GLRB: variants seen among roughly 807,000 people sequenced by gnomAD.
GLRB encodes the protein glycine receptor beta.
In GLRB, 33 loss-of-function variants were observed where a neutral mutation model predicts 54.2. That is an observed-to-expected ratio of 0.61 (90% confidence interval 0.46 to 0.81). The LOEUF (loss-of-function observed/expected upper bound fraction) is 0.81. Ranked by LOEUF, GLRB falls within the 40% of genes least tolerant of loss-of-function variation. The pLI is 0.00. For missense variants in GLRB, 572 were observed against 584.6 expected (o/e 0.98, Z 0.22); for synonymous variants, 209 against 208.2 (o/e 1.00, Z -0.03).
intron 4 of GLRB, 173 bp from the exon 5 acceptor site, chr4:157,136,296 T>C (rs1356980117): frequency 1.6e-6 from 1 of 610,426 alleles, no homozygotes; most frequent in Non-Finnish European, 2.9e-6. Flanking sequence ...AGTGTCTTTA[T>C]ACTGCTAATG....
At chr4:157,159,745 T>C (rs1447681170) in intron 9 of GLRB, among the ~76,000 whole-genome samples, 3 of 152,232 alleles carry the variant, frequency 2.0e-5, no homozygotes, top group Non-Finnish European at 2.9e-5. Context: ...CAGTATTTTA[T>C]TGAGGATTTT....
At chr4:157,078,448 T>C (rs1045731261) in intron 2 of GLRB, among the ~76,000 whole-genome samples, 6 of 152,056 alleles carry the variant, frequency 3.9e-5, no homozygotes, top group Non-Finnish European at 8.8e-5. Flanking sequence ...AAATGTGCTG[T>C]GCAACTTTAA....
At chr4:157,114,934 T>A (rs1015035185) in intron 2 of GLRB, among the ~76,000 whole-genome samples, 1 of 151,698 alleles carries the variant, frequency 6.6e-6, no homozygotes, top group East Asian at 2.0e-4. Flanking sequence ...AGTTACTCTT[T>A]CCGCACCCCC....
intron 8 of GLRB, among the ~76,000 whole-genome samples, chr4:157,145,410 C>T (rs1004643385): frequency 6.6e-6 from 1 of 152,142 alleles, no homozygotes; most frequent in Admixed American, 6.5e-5. Flanking sequence ...ACCCAAGAAG[C>T]TCCAGGGAGT....
chr4:157,105,559 G>A (rs973980291), intron 2 of GLRB, among the ~76,000 whole-genome samples: 3 of 151,836 alleles, frequency 2.0e-5, no homozygotes, highest in Non-Finnish European at 4.4e-5. Context: ...AAAGTTCACT[G>A]TTTCTTTGTT....
intron 2 of GLRB, among the ~76,000 whole-genome samples, chr4:157,115,715 C>T (rs1227467527): frequency 2.6e-5 from 4 of 151,686 alleles, no homozygotes; most frequent in African/African-American, 9.7e-5. Flanking sequence ...ATCAGATTTT[C>T]AGAGACATCT....
intron 2 of GLRB, among the ~76,000 whole-genome samples, chr4:157,093,144 A>T (rs78919134): frequency 6.7e-6 from 1 of 149,454 alleles, no homozygotes; most frequent in African/African-American, 2.5e-5. Flanking sequence ...GGTCTTTTAC[A>T]TACATTTAAA....
At chr4:157,113,826 A>G (rs746098156) in intron 2 of GLRB, among the ~76,000 whole-genome samples, 14 of 151,928 alleles carry the variant, frequency 9.2e-5, no homozygotes, top group Non-Finnish European at 1.9e-4. Context: ...CATTCTTTTC[A>G]AATAAGTTTA....
chr4:157,085,345 A>G (rs1734369679), intron 2 of GLRB, among the ~76,000 whole-genome samples: 2 of 152,116 alleles, frequency 1.3e-5, no homozygotes, highest in African/African-American at 2.4e-5. Context: ...GCCTCCAGCA[A>G]TCCTCCTGCC....
At chr4:157,100,036 A>G (rs1338902499) in intron 2 of GLRB, among the ~76,000 whole-genome samples, 2 of 152,224 alleles carry the variant, frequency 1.3e-5, no homozygotes, top group Non-Finnish European at 2.9e-5. Flanking sequence ...ATTCTAGAAC[A>G]AATCATTTGT....
chr4:157,150,477 C>T (rs779481691), intron 8 of GLRB, among the ~76,000 whole-genome samples: 1 of 151,932 alleles, frequency 6.6e-6, no homozygotes, highest in South Asian at 2.1e-4. Context: ...AAAGACAATC[C>T]TTTCATCTGT....
chr4:157,125,253 C>T (rs952137583), intron 4 of GLRB, among the ~76,000 whole-genome samples: 6 of 151,630 alleles, frequency 4.0e-5, no homozygotes, highest in African/African-American at 1.5e-4. Flanking sequence ...AAAAAAGTTC[C>T]CCAAAACAAG....
Position 157,143,931 on chromosome 4 carries a change from G to A in GLRB, c.876G>A (p.Pro292=), listed in dbSNP as rs775656621. 25 of 1,614,008 alleles carry A rather than the reference G, an allele frequency of 1.5e-5. No homozygotes were observed. The highest frequency in any genetic ancestry group is 6.7e-5 in the Admixed American group (4 of 60,016). Residue 292 remains proline (P), a synonymous_variant, in exon 8 of 10, where the codon CCG becomes CCA. Transcript: ENST00000264428. ...VLSWLSFWIN[P]DASAARVPLG... ...CCTGGCTTTCCTTCTGGATCAACCC[G>A]GACGCGAGTGCTGCCAGAGTGCCCC...
At chr4:157,127,253 A>T (rs1484458395) in intron 4 of GLRB, among the ~76,000 whole-genome samples, 1 of 151,838 alleles carries the variant, frequency 6.6e-6, no homozygotes, top group Non-Finnish European at 1.5e-5. Context: ...ACTATAGAAT[A>T]ATAGAATTTA....
chr4:157,162,477 A>C (rs902478210), intron 9 of GLRB, among the ~76,000 whole-genome samples: 1 of 152,054 alleles, frequency 6.6e-6, no homozygotes, highest in East Asian at 1.9e-4. Context: ...GGTTTTATCT[A>C]CCTTTGTTCT....
intron 4 of GLRB, among the ~76,000 whole-genome samples, chr4:157,124,060 G>T (rs1280334707): frequency 1.3e-5 from 2 of 151,810 alleles, no homozygotes; most frequent in African/African-American, 4.8e-5. Flanking sequence ...TTACTAGACT[G>T]TATTGAGTTG....
intron 2 of GLRB, among the ~76,000 whole-genome samples, chr4:157,089,523 C>A (rs183091654): frequency 8.5e-5 from 13 of 152,302 alleles, no homozygotes; most frequent in Admixed American, 6.5e-4. Context: ...CGGAAACAAT[C>A]TCCGATTTCA....
intron 2 of GLRB, among the ~76,000 whole-genome samples, chr4:157,094,569 G>C (rs913821918): frequency 6.6e-6 from 1 of 152,220 alleles, no homozygotes; most frequent in African/African-American, 2.4e-5. Context: ...TAATTGAAAA[G>C]AGAGTAGCCT....
Position 157,138,947 on chromosome 4 carries a change from C to A in GLRB, c.749C>A (p.Thr250Lys). ...AACTGTACAAAATACTATAAAGGCA[C>A]GGGTAAGTAATATTCTTTAAATAAA... ...YGNCTKYYKG[T>K]GYYTCVEVIF... Residue 250 changes from threonine (T) to lysine (K), a missense_variant and splice_region_variant, in exon 7 of 10, where the codon ACG becomes AAG. Transcript: ENST00000264428. 1 of 1,378,992 alleles carries A rather than the reference C, an allele frequency of 7.3e-7. No homozygotes were observed. The allele number at this position is 1,378,992 out of a possible 1,614,324, so 85.4% of individuals were successfully genotyped here. A position where few individuals can be genotyped will look rare whatever the true frequency, so the allele number is the denominator to read the frequency against.
Sources: allele counts gnomAD v4.1 joint callset (sites outside exome capture counted in the v4.1 genomes callset), GRCh38; gene constraint gnomAD v4.1.1; transcripts MANE v1.5; gene names NCBI Gene and HGNC (gene_info 2026-07-23, HGNC 2026-07-21).